Variants in GRIP2 observed in about 807,000 individuals in gnomAD.
GRIP2 encodes glutamate receptor interacting protein 2.
In GRIP2, 58 loss-of-function variants were observed where a neutral mutation model predicts 108.3. That is an observed-to-expected ratio of 0.54 (90% CI 0.43 to 0.67). GRIP2 has a LOEUF of 0.67. Ranked by LOEUF, GRIP2 falls within the 30% of genes least tolerant of loss-of-function variation. The probability of loss-of-function intolerance (pLI) is 0.00; values close to 1 mark genes in which losing one functional copy is unlikely to be tolerated. For synonymous variants in GRIP2, 586 were observed against 598.2 expected (o/e 0.98, Z 0.30); for missense variants, 1,278 against 1,430.6 (o/e 0.89, Z 1.72).
At chr3:14,560,419 C>A (rs1484886099), upstream of GRIP2, among the ~76,000 whole-genome samples, 1 of 152,194 alleles carries the variant, frequency 6.6e-6, no homozygotes, top group African/African-American at 2.4e-5. Flanking sequence ...TCCTTCCCTG[C>A]ATCCAGGGGA....
chr3:14,554,397 C>A (rs1695200681), intron 1 of GRIP2, among the ~76,000 whole-genome samples: 1 of 152,224 alleles, frequency 6.6e-6, no homozygotes, highest in African/African-American at 2.4e-5. Flanking sequence ...CTGGGAGGAT[C>A]CCACTGGGCC....
Position 14,522,707 on chromosome 3 carries a change from C to T in GRIP2, c.566+293G>A, listed in dbSNP as rs181094096. On this transcript the variant is annotated intron_variant, in intron 6 of 23. Coordinates refer to ENST00000621039, the MANE Select transcript of GRIP2 (RefSeq NM_001080423.4). This position sits in a 1 kb window ranked among gnomAD's most constrained non-coding sequence, Gnocchi z 4.3. ...CAACTCTTAGGGACCATTCCACAGA[C>T]GGGAAAACCAAGGAGCAGGAAAGGG... 32 of 400,784 alleles carry T rather than the reference C, an allele frequency of 8.0e-5. No individual in the cohort carries two copies. The highest frequency in any genetic ancestry group is 5.6e-4 in the Admixed American group (14 of 24,832). 24.8% of individuals were successfully genotyped at this position (400,784 alleles called of 1,614,324 possible).
At chr3:14,586,538 G>A in the GRIP2 span, among the ~76,000 whole-genome samples, 1 of 152,202 alleles carries the variant, frequency 6.6e-6, no homozygotes, top group Admixed American at 6.5e-5. Context: ...CTGAATCAAA[G>A]GTGCTGGGGT....
intron 21 of GRIP2, among the ~76,000 whole-genome samples, chr3:14,498,646 T>C (rs1334457507): frequency 6.6e-6 from 1 of 152,032 alleles, no homozygotes; most frequent in African/African-American, 2.4e-5. Flanking sequence ...TTTGGGATAA[T>C]AAGAGTTATT....
At chr3:14,563,757 C>T in the GRIP2 span, among the ~76,000 whole-genome samples, 1 of 152,120 alleles carries the variant, frequency 6.6e-6, no homozygotes, top group Non-Finnish European at 1.5e-5. Flanking sequence ...AGAACTAGTG[C>T]TGAATCAGAA....
chr3:14,579,143 A>G, the GRIP2 span, among the ~76,000 whole-genome samples: 9 of 152,338 alleles, frequency 5.9e-5, no homozygotes, highest in South Asian at 1.9e-3. Context: ...TGACACGTGC[A>G]ACTACATGGG....
In GRIP2 at chr3:14,509,951, G is replaced by T. The variant is rs372966894; in HGVS notation, c.1947C>A (p.Thr649=). ...KDEDNSDELE[T]TGAVSYTVEL... The stretch of plus-strand genomic sequence containing the variant: ...CCACTGTGTAACTGACGGCACCTGT[G>T]GTCTCCAGCTCATCTGCAAGCACGG... Residue 649 remains threonine, a synonymous_variant, in exon 17 of 24, where the codon ACC becomes ACA. Transcript: ENST00000621039. The T allele has an allele frequency of 6.6e-6, 10 of 1,520,678 alleles. No homozygotes were observed. The highest frequency in any genetic ancestry group is 8.9e-6 in the Non-Finnish European group (10 of 1,129,770). The allele number at this position is 1,520,678 out of a possible 1,614,324, so 94.2% of individuals were successfully genotyped here. A position where few individuals can be genotyped will look rare whatever the true frequency, so the allele number is the denominator to read the frequency against.
At chr3:14,551,086 C>A (rs1007301889) in intron 1 of GRIP2, among the ~76,000 whole-genome samples, 2 of 152,042 alleles carry the variant, frequency 1.3e-5, no homozygotes, top group Non-Finnish European at 2.9e-5. Context: ...CCAGAAGGGA[C>A]GCTGAGGCCA....
chr3:14,586,030 C>T, the GRIP2 span, among the ~76,000 whole-genome samples: 1 of 152,334 alleles, frequency 6.6e-6, no homozygotes, highest in East Asian at 1.9e-4. Flanking sequence ...CACTCTCCGG[C>T]TTTCTCACAG....
At chr3:14,595,795 C>T in the GRIP2 span, among the ~76,000 whole-genome samples, 3 of 152,262 alleles carry the variant, frequency 2.0e-5, no homozygotes, top group East Asian at 1.9e-4. Flanking sequence ...TCAGCATCCT[C>T]GTGGTGGGGC....
intron 1 of GRIP2, among the ~76,000 whole-genome samples, chr3:14,548,530 C>T (rs531581569): frequency 3.9e-5 from 6 of 152,280 alleles, no homozygotes; most frequent in South Asian, 2.1e-4. Context: ...GCTGTCATCC[C>T]GTGCCTGTGA....
Position 14,489,375 on chromosome 3 carries a change from G to C in GRIP2, c.*4290C>G, listed in dbSNP as rs552212959. 6.6e-6 allele frequency: 1 copy of C among 152,608 alleles called. No homozygotes were observed. Among genetic ancestry groups the C allele is most frequent in the South Asian group, 2.1e-4 (1 of 4,814 alleles). 9.5% of individuals were successfully genotyped at this position (152,608 alleles called of 1,614,324 possible). ...CATGTGTGGGTTGTGTTCTGGTGAGGTATTTCCCCCTCAACGTTTGCCAAA... is the reference window on the plus strand; with the variant it reads ...CATGTGTGGGTTGTGTTCTGGTGAGCTATTTCCCCCTCAACGTTTGCCAAA... On this transcript the variant is annotated 3_prime_UTR_variant, in exon 24 of 24. Transcript: ENST00000621039.
the GRIP2 span, among the ~76,000 whole-genome samples, chr3:14,596,490 C>A: frequency 6.6e-6 from 1 of 152,142 alleles, no homozygotes; most frequent in African/African-American, 2.4e-5. Flanking sequence ...AACACTGTCC[C>A]CAGGCCCATC....
chr3:14,596,495 C>A, the GRIP2 span, among the ~76,000 whole-genome samples: 7 of 152,278 alleles, frequency 4.6e-5, no homozygotes, highest in Non-Finnish European at 1.0e-4. Context: ...TGTCCCCAGG[C>A]CCATCTCACT....
rs1383055203 is a variant in GRIP2, at chr3:14,493,885, G to A, written c.2971-59C>T. The A allele has an allele frequency of 1.7e-5, 26 of 1,551,044 alleles. No homozygotes were observed. In the East Asian group the frequency reaches 6.0e-4, roughly 36 times the overall value. ...GATGTCAGCCCTGCTGCGCTGAAGG[G>A]AGCAAGAGGCATGTGATGTCCTAAA... On this transcript the variant is annotated intron_variant, in intron 23 of 23. Transcript: ENST00000621039.
At chr3:14,523,590 C>T (rs1694471791) in intron 5 of GRIP2, 22 bp downstream of exon 5, 3 of 1,524,620 alleles carry the variant, frequency 2.0e-6, no homozygotes, top group African/African-American at 1.4e-5. Flanking sequence ...GCCCCAATAC[C>T]AAGGGCAATT....
At chr3:14,533,408 A>G (rs1424211764) in intron 1 of GRIP2, among the ~76,000 whole-genome samples, 1 of 152,188 alleles carries the variant, frequency 6.6e-6, no homozygotes, top group African/African-American at 2.4e-5. Context: ...GAATCCTAAG[A>G]GAAAAGTGGG....
Position 14,521,681 on chromosome 3 carries a change from C to T in GRIP2, c.673G>A (p.Glu225Lys), listed in dbSNP as rs766014324. 5 of 1,611,856 alleles carry T rather than the reference C, an allele frequency of 3.1e-6. No individual in the cohort carries two copies. The highest frequency in any genetic ancestry group is 1.3e-5 in the African/African-American group (1 of 75,014). Residue 225 changes from glutamate to lysine, a missense_variant, in exon 7 of 24, where the codon GAG becomes AAG. Physicochemically the swap from Glu to Lys is moderately conservative, Grantham distance 56. Transcript: ENST00000621039. The surrounding 1 kb of genome is among the most constrained non-coding windows in gnomAD (Gnocchi z 5.1). ...TCATACTCCACCTGAAAGAGTGCCT[C>T]GTGGCTGCACTGCCGCAGGGTGGCC... ...ALATLRQCSH[E>K]ALFQVEYDVA... is the part of the protein sequence containing the mutation.
Position 14,525,898 on chromosome 3 carries a change from G to A in GRIP2, c.74C>T (p.Ala25Val). ...DGPYSKGGKDAGGADVSLACR... is the reference protein window; with the variant it reads ...DGPYSKGGKDVGGADVSLACR... ...CGCCAGGGAAACGTCGGCCCCTCCT[G>A]CGTCCTTGCCTCCTTTGGAGTAGGG... is the stretch of plus-strand genomic sequence containing the variant. The change falls in exon 2 of 24, where the codon GCA becomes GTA. Residue 25 changes from alanine (A) to valine (V), a missense_variant. Transcript: ENST00000621039. The A allele has an allele frequency of 6.4e-7, 1 of 1,561,596 alleles. No individual in the cohort carries two copies. The highest frequency in any genetic ancestry group is 8.7e-7 in the Non-Finnish European group (1 of 1,152,508).
Sources: allele counts gnomAD v4.1 joint callset (sites outside exome capture counted in the v4.1 genomes callset), GRCh38; gene constraint gnomAD v4.1.1; non-coding constraint Gnocchi (gnomAD v3.1); transcripts MANE v1.5; gene names NCBI Gene and HGNC (gene_info 2026-07-23, HGNC 2026-07-21).